The following SENP6 variants were observed in gnomAD, a reference collection of about 807,000 sequenced individuals.
SENP6 encodes sentrin-specific protease 6.
In SENP6, 41 loss-of-function variants were observed where a neutral mutation model predicts 134.5. The observed-to-expected ratio is 0.30, with a 90% confidence interval of 0.24 to 0.40. The LOEUF is 0.40. Ranked by LOEUF, SENP6 falls within the 10% of genes least tolerant of loss-of-function variation. The pLI is 1.00. For synonymous variants in SENP6, 395 were observed against 429.8 expected, an observed-to-expected ratio of 0.92 and a Z score of 1.00; for missense variants, 1,248 against 1,312.5, an observed-to-expected ratio of 0.95 and a Z score of 0.76.
chr6:75,625,312 A>T (rs1768598896), intron 3 of SENP6, among the ~76,000 whole-genome samples: 1 of 151,392 alleles, frequency 6.6e-6, no homozygotes, highest in Non-Finnish European at 1.5e-5. Context: ...ACCGGGTTTC[A>T]CCATTTTGGC....
intron 1 of SENP6, among the ~76,000 whole-genome samples, chr6:75,603,670 G>A (rs2149814653): frequency 6.6e-6 from 1 of 152,304 alleles, no homozygotes; most frequent in Non-Finnish European, 1.5e-5. Flanking sequence ...GGGTGTTGAG[G>A]AATGGGAATG....
At chr6:75,675,817 C>T (rs1448925992) in intron 12 of SENP6, 43 bp from the exon 13 acceptor site, 5 of 1,499,144 alleles carry the variant, frequency 3.3e-6, no homozygotes, top group Admixed American at 4.3e-5. Flanking sequence ...CATGATATTA[C>T]CCTCTTAAGA....
intron 3 of SENP6, among the ~76,000 whole-genome samples, chr6:75,632,540 T>A (rs1033801569): frequency 2.0e-5 from 3 of 152,240 alleles, no homozygotes; most frequent in African/African-American, 7.2e-5. Flanking sequence ...AAACTGATGT[T>A]TCTTTGCAAA....
At chr6:75,699,353 GCTT>G (rs1774871144) in intron 18 of SENP6, among the ~76,000 whole-genome samples, 5 of 41,218 alleles carry the variant, frequency 1.2e-4, no homozygotes, top group African/African-American at 6.7e-4. Flanking sequence ...TTTTGTTTTT[GCTT>G]TTTTTTTTTT....
In SENP6 at chr6:75,697,279, T is replaced by C. The variant is rs892994864; in HGVS notation, c.2196-146T>C. 4 of 576,674 alleles carry C rather than the reference T, an allele frequency of 6.9e-6. No homozygotes were observed. The African/African-American group carries it at 7.5e-5, about 11-fold the overall frequency. 35.7% of individuals were successfully genotyped at this position (576,674 alleles called of 1,614,324 possible). ...GCCTTCCTAGTTTCCATCCAACAAG[T>C]TCTATTTTCTTTCCCCAGTTTGTCA... On this transcript the variant is annotated intron_variant, in intron 17 of 23. Transcript: ENST00000447266.
In SENP6 at chr6:75,657,622, T is replaced by G. The variant is rs559533219; in HGVS notation, c.551-1640T>G. On this transcript the variant is annotated intron_variant, in intron 7 of 23. Coordinates refer to ENST00000447266, the MANE Select transcript of SENP6 (RefSeq NM_015571.4). ...ATGTAATTCATTAATCCAGGAAACA[T>G]TTATTAAGCCCTTGTGTAGTTTCTA... 2.6e-3 allele frequency among the ~76,000 whole-genome samples: 394 copies of G among 152,330 alleles called. 1 individual carries two copies. Among genetic ancestry groups the G allele is most frequent in the Non-Finnish European group, 5.1e-3 (345 of 68,032 alleles).
intron 3 of SENP6, among the ~76,000 whole-genome samples, chr6:75,632,496 GTTA>G (rs1235646950): frequency 1.3e-5 from 2 of 152,122 alleles, no homozygotes; most frequent in Non-Finnish European, 2.9e-5. Context: ...GCTACATTTT[GTTA>G]TTATTAAATG....
intron 3 of SENP6, among the ~76,000 whole-genome samples, chr6:75,628,910 G>A (rs1768901612): frequency 6.6e-6 from 1 of 152,034 alleles, no homozygotes; most frequent in South Asian, 2.1e-4. Flanking sequence ...AGTAGTTTTA[G>A]TGGTTTTGCC....
chr6:75,662,868 T>A (rs914450169), intron 8 of SENP6, among the ~76,000 whole-genome samples: 2 of 152,188 alleles, frequency 1.3e-5, no homozygotes, highest in African/African-American at 4.8e-5. Flanking sequence ...ATGGAGCCAG[T>A]CAGTACTCAG....
chr6:75,670,530 G>A, intron 10 of SENP6, 23 bp from the exon 11 acceptor site: 1 of 1,558,846 alleles, frequency 6.4e-7, no homozygotes, highest in Non-Finnish European at 8.8e-7. Context: ...ATTATTAAGT[G>A]AACATTTTCT....
At chr6:75,648,086 T>C (rs577405461) in intron 7 of SENP6, among the ~76,000 whole-genome samples, 19 of 152,294 alleles carry the variant, frequency 1.2e-4, no homozygotes, top group African/African-American at 4.6e-4. Flanking sequence ...AGCTTTGAAA[T>C]TGAGTTTTAT....
intron 14 of SENP6, 169 bp from the exon 15 acceptor site, chr6:75,678,414 C>G (rs1275677822): frequency 2.5e-5 from 13 of 530,178 alleles, no homozygotes; most frequent in Non-Finnish European, 4.0e-5. Context: ...AAGAAAGTGG[C>G]CCCTAGTTTT....
intron 7 of SENP6, among the ~76,000 whole-genome samples, chr6:75,655,651 A>G (rs550054275): frequency 2.7e-4 from 41 of 152,348 alleles, no homozygotes; most frequent in African/African-American, 9.4e-4. Context: ...TCTTTTTAAC[A>G]TTGCATTGTA....
At chr6:75,622,912 T>C in intron 2 of SENP6, 1 of 822,544 alleles carries the variant, frequency 1.2e-6, no homozygotes, top group Non-Finnish European at 1.7e-6. Context: ...TTCATTTCTT[T>C]TATACTTTTT....
chr6:75,689,533 T>C (rs115407772), intron 16 of SENP6, among the ~76,000 whole-genome samples: 106 of 152,276 alleles, frequency 7.0e-4, no homozygotes, highest in African/African-American at 2.3e-3. Flanking sequence ...AAATTTGAAA[T>C]AGAACTACAA....
chr6:75,641,624 A>C (rs570255265), intron 6 of SENP6, among the ~76,000 whole-genome samples: 1 of 152,352 alleles, frequency 6.6e-6, no homozygotes, highest in Non-Finnish European at 1.5e-5. Context: ...AAGAAAACAC[A>C]CACATTTCTT....
chr6:75,672,357 T>C (rs114853333), intron 11 of SENP6, among the ~76,000 whole-genome samples: 3,013 of 152,274 alleles, frequency 0.02, 111 homozygotes, highest in African/African-American at 0.068. Context: ...TTTGGATGAA[T>C]TTTTTCTAAT....
In SENP6 at chr6:75,666,154, TATATG is replaced by T. The variant is rs532994132; in HGVS notation, c.995-553_995-549del. Among the ~76,000 whole-genome samples the T allele has an allele frequency of 9.3e-3, 504 of 54,354 alleles. 15 individuals are homozygous for T. In the Admixed American group the frequency reaches 0.11, roughly 12 times the overall value. 35.7% of individuals were successfully genotyped at this position (54,354 alleles called of 152,430 possible). On this transcript the variant is annotated intron_variant, in intron 9 of 23. Transcript: ENST00000447266. ...ACGTATATATGATATATATAAAACA[TATATG>T]ATATATATATAAAACGTATATATGA... is the stretch of plus-strand genomic sequence containing the variant.
chr6:75,653,052 C>T (rs957961403), intron 7 of SENP6, among the ~76,000 whole-genome samples: 1 of 150,922 alleles, frequency 6.6e-6, no homozygotes, highest in African/African-American at 2.4e-5. Context: ...TCTTTTTTGA[C>T]GGAGTTTCGC....
Sources: gnomAD v4.1 joint callset for allele counts (sites outside exome capture counted in the v4.1 genomes callset) on GRCh38, gnomAD v4.1.1 for gene constraint, MANE v1.5 for transcripts, NCBI Gene and HGNC (gene_info 2026-07-23, HGNC 2026-07-21) for gene names.